ZFHX3: variants seen among roughly 807,000 people sequenced by gnomAD.
ZFHX3 encodes the protein zinc finger homeobox protein 3.
Under a neutral mutation model 279.1 loss-of-function variants are expected in ZFHX3, and 42 were observed. The ratio of observed to expected loss-of-function variants is 0.15; its 90% CI spans 0.12 to 0.19. The LOEUF is 0.19. ZFHX3 is among the 10% of genes least tolerant of loss of function. ZFHX3 has a pLI of 1.00. For synonymous variants in ZFHX3, 2,293 were observed against 1,957.8 expected, an observed-to-expected ratio of 1.17 and a Z score of -4.52; for missense variants, 4,981 against 4,754.0, an observed-to-expected ratio of 1.05 and a Z score of -1.40.
chr16:73,682,679 CG>C (rs2053023333), intron 1 of ZFHX3, among the ~76,000 whole-genome samples: 1 of 151,392 alleles, frequency 6.6e-6, no homozygotes, highest in Non-Finnish European at 1.5e-5. Flanking sequence ...CCCAGCTACT[CG>C]GGAGGCTGAG....
intron 3 of ZFHX3, among the ~76,000 whole-genome samples, chr16:72,921,262 C>T (rs780995057): frequency 6.6e-6 from 1 of 152,144 alleles, no homozygotes; most frequent in Non-Finnish European, 1.5e-5. Context: ...GTGTCATCAA[C>T]GAAGCTTCTA....
chr16:73,203,923 AT>A (rs2011699278), intron 5 of ZFHX3, among the ~76,000 whole-genome samples: 1 of 152,230 alleles, frequency 6.6e-6, no homozygotes, highest in African/African-American at 2.4e-5. Flanking sequence ...TGTTCTAAGA[AT>A]TAGCAGAGAG....
intron 4 of ZFHX3, among the ~76,000 whole-genome samples, chr16:73,276,286 C>T (rs71388964): frequency 2.0e-5 from 3 of 151,130 alleles, no homozygotes; most frequent in Non-Finnish European, 4.4e-5. Flanking sequence ...CGGGTTCAAG[C>T]GATTCTCTTG....
intron 4 of ZFHX3, among the ~76,000 whole-genome samples, chr16:73,312,825 G>T (rs148267330): frequency 5.8e-4 from 89 of 152,344 alleles, no homozygotes; most frequent in Non-Finnish European, 1.2e-3. Context: ...AATAGTAATA[G>T]TAATCATCAT....
chr16:73,628,514 A>C (rs970172203), intron 2 of ZFHX3, among the ~76,000 whole-genome samples: 1 of 152,200 alleles, frequency 6.6e-6, no homozygotes, highest in Non-Finnish European at 1.5e-5. Context: ...AATCCTGAGA[A>C]GTTGAATTTT....
At chr16:73,622,363 C>G (rs959736500) in intron 2 of ZFHX3, among the ~76,000 whole-genome samples, 2 of 152,088 alleles carry the variant, frequency 1.3e-5, no homozygotes, top group Admixed American at 6.5e-5. Context: ...TCGAGACCAT[C>G]CTGGCTAACA....
At chr16:72,961,138 G>C (rs140695684) in intron 1 of ZFHX3, among the ~76,000 whole-genome samples, 169 of 152,250 alleles carry the variant, frequency 1.1e-3, no homozygotes, top group African/African-American at 3.9e-3. Context: ...TCTGGCCCTG[G>C]CTGGAGGGAG....
intron 3 of ZFHX3, among the ~76,000 whole-genome samples, chr16:73,392,318 G>A (rs1164048798): frequency 6.7e-6 from 1 of 150,182 alleles, no homozygotes; most frequent in Admixed American, 6.7e-5. Context: ...CTACTCAGGA[G>A]GCTGAGGCAC....
At chr16:72,949,911 C>CT (rs774934563) in intron 3 of ZFHX3, among the ~76,000 whole-genome samples, 36,993 of 116,038 alleles carry the variant, frequency 0.32, 6,138 homozygotes, top group Non-Finnish European at 0.38. Context: ...ATTTTCTTTT[C>CT]TTTTTTTTTT....
intron 2 of ZFHX3, among the ~76,000 whole-genome samples, chr16:73,569,764 C>T (rs2051715687): frequency 1.3e-5 from 2 of 152,194 alleles, no homozygotes; most frequent in South Asian, 4.1e-4. Context: ...AACATGCGTA[C>T]TCCTGGGCAG....
chr16:73,867,062 A>G (rs573665153), intron 1 of ZFHX3, among the ~76,000 whole-genome samples: 1 of 152,164 alleles, frequency 6.6e-6, no homozygotes, highest in African/African-American at 2.4e-5. Context: ...TAGACTGAGA[A>G]ACAGAGACCT....
chr16:73,096,325 C>T lies in ZFHX3; in HGVS notation c.-896-2727G>A, dbSNP rs183242176. The stretch of plus-strand genomic sequence containing the variant: ...AGGGGATCTCCCTCCATCTCGTAGG[C>T]GCTCTTACAGCAGCCCTGCACATTT... On this transcript the variant is annotated intron_variant, in intron 7 of 17. Transcript: ENST00000641206. 4.0e-5 allele frequency among the ~76,000 whole-genome samples: 6 copies of T among 151,614 alleles called. No individual in the cohort carries two copies. The East Asian group carries it at 7.7e-4, about 20-fold the overall frequency.
intron 2 of ZFHX3, among the ~76,000 whole-genome samples, chr16:73,597,913 T>A (rs1171468477): frequency 6.6e-6 from 1 of 152,222 alleles, no homozygotes; most frequent in Admixed American, 6.5e-5. Flanking sequence ...CAGTAACTGC[T>A]GTATGAAAAA....
chr16:73,692,378 C>T (rs1461118438), intron 1 of ZFHX3, among the ~76,000 whole-genome samples: 1 of 152,086 alleles, frequency 6.6e-6, no homozygotes, highest in Non-Finnish European at 1.5e-5. Context: ...TGTTTAACAC[C>T]CTTTTTATAT....
intron 4 of ZFHX3, among the ~76,000 whole-genome samples, chr16:73,295,027 C>A (rs1339262663): frequency 1.3e-5 from 2 of 152,014 alleles, no homozygotes; most frequent in African/African-American, 4.8e-5. Flanking sequence ...TCCTGGCTAA[C>A]AAGGTGAAAC....
In ZFHX3 at chr16:72,985,852, C is replaced by T. The variant is rs780850790; in HGVS notation, c.-49-25658G>A. ...AGGGGTTAATGGAAGCTGACCGCAG[C>T]ACAGTTGTTAAGGTAATCAATACCA... On this transcript the variant is annotated intron_variant, in intron 1 of 9. Coordinates refer to ENST00000268489, the MANE Select transcript of ZFHX3 (RefSeq NM_006885.4). Among the ~76,000 whole-genome samples the T allele has an allele frequency of 1.0e-3, 158 of 152,222 alleles. 1 individual carries two copies. The highest frequency in any genetic ancestry group is 2.0e-3 in the Non-Finnish European group (133 of 68,028).
intron 4 of ZFHX3, among the ~76,000 whole-genome samples, chr16:72,834,785 G>C (rs1486425429): frequency 1.3e-5 from 2 of 150,808 alleles, no homozygotes; most frequent in African/African-American, 4.9e-5. Flanking sequence ...CATCACCCAA[G>C]AAAATGTTCT....
At chr16:73,030,979 C>T (rs1964678538) in intron 1 of ZFHX3, among the ~76,000 whole-genome samples, 1 of 152,200 alleles carries the variant, frequency 6.6e-6, no homozygotes, top group African/African-American at 2.4e-5. Context: ...CTTCTCCACC[C>T]CTTGTGTGGT....
rs144948788 is a variant in ZFHX3 at position 73,836,541 on chromosome 16, G to A, written c.-1608+55110C>T. Among the ~76,000 whole-genome samples, 255 of 152,288 alleles carry A rather than the reference G, an allele frequency of 1.7e-3. 1 individual carries two copies. The highest frequency in any genetic ancestry group is 5.6e-3 in the African/African-American group (234 of 41,564). On this transcript the variant is annotated intron_variant, in intron 1 of 17. Transcript: ENST00000641206. ...AGTAGTCATTAGAGCTATTGACAAT[G>A]TTCTGTACACATTCTAGGCCATGAA...
Sources: gnomAD v4.1 joint callset for allele counts (sites outside exome capture counted in the v4.1 genomes callset) on GRCh38, gnomAD v4.1.1 for gene constraint, MANE v1.5 for transcripts, NCBI Gene and HGNC (gene_info 2026-07-23, HGNC 2026-07-21) for gene names.